The following GREB1L variants were observed in gnomAD, a reference collection of about 807,000 sequenced individuals.
GREB1L encodes the protein GREB1-like protein.
In GREB1L, 17 loss-of-function variants were observed where a neutral mutation model predicts 200.8. The ratio of observed to expected loss-of-function variants is 0.08; its 90% CI spans 0.06 to 0.13. The LOEUF is 0.13. Among genes scored for constraint, GREB1L ranks in the 10% least tolerant of loss-of-function variants. The pLI, the probability that GREB1L is intolerant of heterozygous loss-of-function variation, is 1.00. For missense variants in GREB1L, 1,657 were observed against 2,367.7 expected, an observed-to-expected ratio of 0.70 and a Z score of 6.23; for synonymous variants, 789 against 893.0, an observed-to-expected ratio of 0.88 and a Z score of 2.08.
In GREB1L at chr18:21,499,791, C is replaced by T; in HGVS notation, c.3454C>T (p.Leu1152=). 6.4e-7 allele frequency: 1 copy of T among 1,552,034 alleles called. No homozygotes were observed. Among genetic ancestry groups the T allele is most frequent in the Non-Finnish European group, 8.7e-7 (1 of 1,147,054 alleles). Residue 1152 remains leucine, a synonymous_variant, in exon 22 of 33, where the codon CTG becomes TTG. Transcript: ENST00000424526. ...STADKSQKQS[L]TPSFQSPATS... is the part of the protein sequence containing the mutation. ...AGCTGACAAGTCCCAGAAGCAGTCCCTGACCCCCAGCTTTCAGAGCCCAGC... is the reference window on the plus strand; with the variant it reads ...AGCTGACAAGTCCCAGAAGCAGTCCTTGACCCCCAGCTTTCAGAGCCCAGC...
At chr18:21,472,463 T>G (rs1401511408) in intron 15 of GREB1L, among the ~76,000 whole-genome samples, 1 of 152,228 alleles carries the variant, frequency 6.6e-6, no homozygotes, top group Admixed American at 6.5e-5. Flanking sequence ...AGTTGGTACC[T>G]AAATCCAACA....
chr18:21,463,211 T>A (rs1329234316), intron 15 of GREB1L, among the ~76,000 whole-genome samples: 2 of 138,658 alleles, frequency 1.4e-5, no homozygotes, highest in Admixed American at 7.9e-5. Flanking sequence ...AGTGGCGTGA[T>A]CTCGGCTCAC....
At chr18:21,513,058 CT>C (rs1312213941) in intron 27 of GREB1L, among the ~76,000 whole-genome samples, 1 of 152,160 alleles carries the variant, frequency 6.6e-6, no homozygotes, top group Non-Finnish European at 1.5e-5. Flanking sequence ...GTACTAGGCG[CT>C]ATCCTGAGCA....
At chr18:21,456,062 C>A (rs1345235479) in intron 15 of GREB1L, among the ~76,000 whole-genome samples, 2 of 152,014 alleles carry the variant, frequency 1.3e-5, no homozygotes, top group Non-Finnish European at 1.5e-5. Flanking sequence ...TGCACCACCA[C>A]TCCCAGCCAA....
At chr18:21,522,053 TC>T (rs1213175306) in intron 32 of GREB1L, among the ~76,000 whole-genome samples, 1 of 140,910 alleles carries the variant, frequency 7.1e-6, no homozygotes, top group Non-Finnish European at 1.5e-5. Flanking sequence ...CAAAGAATTA[TC>T]CAAGTCCAAT....
intron 1 of GREB1L, among the ~76,000 whole-genome samples, chr18:21,259,765 T>C (rs1243494678): frequency 6.6e-6 from 1 of 152,044 alleles, no homozygotes; most frequent in African/African-American, 2.4e-5. Flanking sequence ...TTTGAAATGG[T>C]ATTGGTGATG....
Position 21,500,174 on chromosome 18 carries a change from G to T in GREB1L, c.3837G>T (p.Glu1279Asp), listed in dbSNP as rs1326758286. The T allele has an allele frequency of 6.4e-7, 1 of 1,551,026 alleles. No homozygotes were observed. The highest frequency in any genetic ancestry group is 8.7e-7 in the Non-Finnish European group (1 of 1,146,994). ...TCCTGAACAAGGACATGAGCAGTGA[G>T]GAGCAGTCCCTCTACTACAGGCAGT... The part of the protein sequence containing the change: ...RPLLNKDMSS[E>D]EQSLYYRQWT... The change falls in exon 22 of 33, where the codon GAG becomes GAT. Residue 1279 changes from glutamate to aspartate, a missense_variant. By Grantham distance (45) the Glu-to-Asp change is conservative. Around this residue, in one of 9 missense-constraint regions of GREB1L, gnomAD observed 512 missense variants for 668.3 expected, o/e 0.77. Coordinates refer to ENST00000424526, the MANE Select transcript of GREB1L (RefSeq NM_001142966.3).
At chr18:21,326,779 T>A (rs542759398) in intron 1 of GREB1L, among the ~76,000 whole-genome samples, 2 of 152,354 alleles carry the variant, frequency 1.3e-5, no homozygotes, top group Admixed American at 1.3e-4. Context: ...AACTCATCGT[T>A]AAACAAGTTC....
Position 21,268,560 on chromosome 18 carries a change from CATATATATAT to C in GREB1L, c.-120+26191_-120+26200del, listed in dbSNP as rs370094258. 3.8e-3 allele frequency among the ~76,000 whole-genome samples: 244 copies of C among 63,508 alleles called. 2 individuals are homozygous for C. Among genetic ancestry groups the C allele is most frequent in the African/African-American group, 0.012 (164 of 13,368 alleles). The allele number at this position is 63,508 out of a possible 152,430, so 41.7% of individuals were successfully genotyped here. On this transcript the variant is annotated intron_variant, in intron 1 of 32. Transcript: ENST00000424526. ...ACACACACACACACACACACACACA[CATATATATAT>C]ATATATATATATATATATATATACA...
chr18:21,313,338 AAT>A (rs1409420346), intron 1 of GREB1L, among the ~76,000 whole-genome samples: 2 of 152,178 alleles, frequency 1.3e-5, no homozygotes, highest in Non-Finnish European at 2.9e-5. Context: ...TGTATTATAC[AAT>A]ATGAAGACAA....
intron 27 of GREB1L, among the ~76,000 whole-genome samples, chr18:21,511,463 T>G (rs1375573943): frequency 2.0e-5 from 3 of 152,270 alleles, no homozygotes; most frequent in African/African-American, 4.8e-5. Context: ...TTGTTTTTGA[T>G]ATCATATGTA....
At chr18:21,290,687 G>T (rs1039864710) in intron 1 of GREB1L, among the ~76,000 whole-genome samples, 1 of 152,118 alleles carries the variant, frequency 6.6e-6, no homozygotes, top group African/African-American at 2.4e-5. Flanking sequence ...GACTGGGTGT[G>T]GTGGCATGTG....
chr18:21,444,885 G>T (rs1447178386), intron 11 of GREB1L, among the ~76,000 whole-genome samples: 1 of 151,890 alleles, frequency 6.6e-6, no homozygotes, highest in Non-Finnish European at 1.5e-5. Flanking sequence ...TTCTTCTCCA[G>T]CTACACCCCT....
chr18:21,516,532 C>A, intron 29 of GREB1L, 81 bp from the exon 30 acceptor site: 1 of 1,324,854 alleles, frequency 7.5e-7, no homozygotes, highest in Non-Finnish European at 1.0e-6. Flanking sequence ...AATATCTTGC[C>A]ACACATTTAT....
At position 21,386,035 on chromosome 18, in the gene GREB1L, A is replaced by G. The variant is rs916346946; in HGVS notation, c.355+1632A>G. On this transcript the variant is annotated intron_variant, in intron 4 of 32. Coordinates refer to ENST00000424526, the MANE Select transcript of GREB1L (RefSeq NM_001142966.3). ...GCCAGTATTTCTTAAACTTTAAAACATGAGAATATGAGAGTGTATGGGAAG... is the reference window on the plus strand; with the variant it reads ...GCCAGTATTTCTTAAACTTTAAAACGTGAGAATATGAGAGTGTATGGGAAG... 3.3e-5 allele frequency among the ~76,000 whole-genome samples: 5 copies of G among 152,196 alleles called. 1 individual carries two copies. Among genetic ancestry groups the G allele is most frequent in the Admixed American group, 2.6e-4 (4 of 15,278 alleles).
chr18:21,350,760 G>C (rs565077603), intron 1 of GREB1L, among the ~76,000 whole-genome samples: 2 of 152,208 alleles, frequency 1.3e-5, no homozygotes, highest in South Asian at 4.1e-4. Flanking sequence ...TTTCAGGAAT[G>C]AACTAAAGAA....
chr18:21,496,137 T>A (rs1255513396), intron 20 of GREB1L, among the ~76,000 whole-genome samples: 2 of 152,064 alleles, frequency 1.3e-5, no homozygotes, highest in African/African-American at 4.8e-5. Flanking sequence ...AACAACAACA[T>A]CAACAATAAA....
At chr18:21,323,683 A>G (rs2038983189) in intron 1 of GREB1L, among the ~76,000 whole-genome samples, 1 of 152,058 alleles carries the variant, frequency 6.6e-6, no homozygotes, top group Admixed American at 6.6e-5. Context: ...GTTGTGCACT[A>G]TGATACCACC....
At chr18:21,521,905 G>A (rs886114923) in intron 32 of GREB1L, among the ~76,000 whole-genome samples, 4 of 145,748 alleles carry the variant, frequency 2.7e-5, no homozygotes, top group Non-Finnish European at 6.0e-5. Flanking sequence ...CTGGGAGGCT[G>A]AGACAGGAGA....
Sources: allele counts gnomAD v4.1 joint callset (sites outside exome capture counted in the v4.1 genomes callset), GRCh38; gene constraint gnomAD v4.1.1; regional missense constraint gnomAD v4.1.1; transcripts MANE v1.5; gene names NCBI Gene and HGNC (gene_info 2026-07-23, HGNC 2026-07-21).